Variants in RHOU observed in about 807,000 individuals in gnomAD.
RHOU encodes the protein rho-related GTP-binding protein RhoU.
RHOU carries 8 observed loss-of-function variants against 12.6 expected under a neutral mutation model. That is an observed-to-expected ratio of 0.64 (90% confidence interval 0.37 to 1.15). The LOEUF (loss-of-function observed/expected upper bound fraction) is 1.15, where lower values mean the gene tolerates loss of function less well. Ranked by LOEUF, RHOU falls within the 50% of genes most tolerant of loss-of-function variation. The probability of loss-of-function intolerance (pLI) is 0.01; values close to 1 mark genes in which losing one functional copy is unlikely to be tolerated. For synonymous variants in RHOU, 161 were observed against 147.4 expected (o/e 1.09, Z -0.67); for missense variants, 258 against 347.0 (o/e 0.74, Z 2.04).
chr1:228,686,475 T>A, the RHOU span, among the ~76,000 whole-genome samples: 1 of 152,206 alleles, frequency 6.6e-6, no homozygotes, highest in Non-Finnish European at 1.5e-5. Context: ...TATTTGCAGT[T>A]TAAAACCTAT....
chr1:228,731,310 G>A (rs1662491158), upstream of RHOU, among the ~76,000 whole-genome samples: 2 of 152,212 alleles, frequency 1.3e-5, no homozygotes, highest in Non-Finnish European at 2.9e-5. Context: ...TGGTGTGGAG[G>A]TCTGCTTTCC....
the RHOU span, among the ~76,000 whole-genome samples, chr1:228,715,974 G>A: frequency 6.6e-6 from 1 of 150,994 alleles, no homozygotes; most frequent in Non-Finnish European, 1.5e-5. Flanking sequence ...GAGTGCAGTG[G>A]CATGATCATG....
At chr1:228,706,052 CA>C in the RHOU span, among the ~76,000 whole-genome samples, 1 of 150,514 alleles carries the variant, frequency 6.6e-6, no homozygotes, top group South Asian at 2.1e-4. Flanking sequence ...TTTCAAAAAA[CA>C]AAAAAAAAGA....
the RHOU span, among the ~76,000 whole-genome samples, chr1:228,725,212 T>C: frequency 6.6e-6 from 1 of 152,116 alleles, no homozygotes; most frequent in Non-Finnish European, 1.5e-5. Context: ...CACCCTGGAG[T>C]CCCAAAGGGC....
the RHOU span, among the ~76,000 whole-genome samples, chr1:228,704,082 T>A: frequency 6.6e-6 from 1 of 152,114 alleles, no homozygotes; most frequent in Non-Finnish European, 1.5e-5. Flanking sequence ...AAAATGAAGA[T>A]TCACTGAGCC....
intron 2 of RHOU, among the ~76,000 whole-genome samples, chr1:228,739,772 G>A (rs182098778): frequency 2.6e-5 from 4 of 152,212 alleles, no homozygotes; most frequent in African/African-American, 7.2e-5. Flanking sequence ...TGGGCTCCCC[G>A]TAAGTGTTGG....
At chr1:228,687,064 TA>T in the RHOU span, among the ~76,000 whole-genome samples, 1 of 152,170 alleles carries the variant, frequency 6.6e-6, no homozygotes, top group Non-Finnish European at 1.5e-5. Context: ...TAAGGAATTA[TA>T]AAAAATTATA....
In RHOU at chr1:228,744,432, A is replaced by C. The variant is rs1327502651; in HGVS notation, c.*692A>C. 1 of 152,244 alleles carries C rather than the reference A, an allele frequency of 6.6e-6. No individual in the cohort carries two copies. Among genetic ancestry groups the C allele is most frequent in the Non-Finnish European group, 1.5e-5 (1 of 68,060 alleles). 9.4% of individuals were successfully genotyped at this position (152,244 alleles called of 1,614,324 possible). ...TCTTAGTCCAGTTGTGTTGACACAT[A>C]TGAACACAGACAAAGTGCTATGCGG... On this transcript the variant is annotated 3_prime_UTR_variant, in exon 3 of 3. Transcript: ENST00000366691.
At chr1:228,672,513 G>GT in the RHOU span, among the ~76,000 whole-genome samples, 2 of 152,116 alleles carry the variant, frequency 1.3e-5, no homozygotes, top group African/African-American at 2.4e-5. Flanking sequence ...TTAAACCTTT[G>GT]TAACTTAAAT....
chr1:228,724,834 C>T, the RHOU span, among the ~76,000 whole-genome samples: 1 of 152,274 alleles, frequency 6.6e-6, no homozygotes, highest in Admixed American at 6.5e-5. Flanking sequence ...ATAGGTGTGG[C>T]ATGGGTGCTC....
At chr1:228,670,470 G>A in the RHOU span, among the ~76,000 whole-genome samples, 1 of 152,202 alleles carries the variant, frequency 6.6e-6, no homozygotes, top group Non-Finnish European at 1.5e-5. Flanking sequence ...TAAAACTGAA[G>A]AGTGAACACC....
At chr1:228,665,872 G>T in the RHOU span, among the ~76,000 whole-genome samples, 5 of 152,044 alleles carry the variant, frequency 3.3e-5, no homozygotes, top group Non-Finnish European at 7.4e-5. Context: ...GGTCAGCAAG[G>T]CCCCAAGATG....
At chr1:228,711,688 C>T in the RHOU span, among the ~76,000 whole-genome samples, 786 of 140,744 alleles carry the variant, frequency 5.6e-3, no homozygotes, top group South Asian at 8.7e-3. Flanking sequence ...AAACGTTAGA[C>T]CTAAAACCAT....
In RHOU at chr1:228,735,487, T is replaced by A; in HGVS notation, c.-256T>A. On this transcript the variant is annotated 5_prime_UTR_variant, in exon 1 of 3. Coordinates refer to ENST00000366691, the MANE Select transcript of RHOU (RefSeq NM_021205.6). The surrounding 1 kb of genome is among the most constrained non-coding windows in gnomAD (Gnocchi z 8.1). The stretch of plus-strand genomic sequence containing the variant: ...GGAAGCCGGGCGGAGACAGAGCGCT[T>A]GGGATCCACGGCGCTCGGACCGCTG... 4.0e-6 allele frequency: 1 copy of A among 249,596 alleles called. No individual in the cohort carries two copies. The highest frequency in any genetic ancestry group is 7.6e-6 in the Non-Finnish European group (1 of 131,822). 15.5% of individuals were successfully genotyped at this position (249,596 alleles called of 1,614,324 possible).
At chr1:228,650,089 G>A in the RHOU span, 1 of 414,482 alleles carries the variant, frequency 2.4e-6, no homozygotes, top group Non-Finnish European at 4.6e-6. Flanking sequence ...TTCATAGAAA[G>A]AACTCTAACA....
At chr1:228,688,244 G>A in the RHOU span, among the ~76,000 whole-genome samples, 1 of 152,122 alleles carries the variant, frequency 6.6e-6, no homozygotes, top group Non-Finnish European at 1.5e-5. Flanking sequence ...GCCTCCCACT[G>A]CCTTTTGAAG....
the RHOU span, among the ~76,000 whole-genome samples, chr1:228,668,067 C>T: frequency 9.2e-3 from 1,406 of 152,066 alleles, 11 homozygotes; most frequent in African/African-American, 0.021. Flanking sequence ...CACCAATGGC[C>T]GATGATTTAA....
chr1:228,689,697 C>G, the RHOU span, among the ~76,000 whole-genome samples: 1 of 151,714 alleles, frequency 6.6e-6, no homozygotes, highest in South Asian at 2.1e-4. Context: ...GGAGCTCAAA[C>G]CCTATTGTGA....
chr1:228,673,994 C>T, the RHOU span, among the ~76,000 whole-genome samples: 4 of 152,186 alleles, frequency 2.6e-5, no homozygotes, highest in Middle Eastern at 3.2e-3. Context: ...TACCAATTTA[C>T]GCTTCCCATC....
Sources: allele counts gnomAD v4.1 joint callset (sites outside exome capture counted in the v4.1 genomes callset), GRCh38; gene constraint gnomAD v4.1.1; non-coding constraint Gnocchi (gnomAD v3.1); transcripts MANE v1.5; gene names NCBI Gene and HGNC (gene_info 2026-07-23, HGNC 2026-07-21).